Variants in SLC1A3 observed in about 807,000 individuals in gnomAD.
SLC1A3 encodes the protein excitatory amino acid transporter 1.
SLC1A3 carries 21 observed loss-of-function variants against 48.1 expected under a neutral mutation model. The observed-to-expected ratio is 0.44, with a 90% CI of 0.31 to 0.63. The LOEUF (loss-of-function observed/expected upper bound fraction) is 0.63. Among genes scored for constraint, SLC1A3 ranks in the 20% least tolerant of loss-of-function variants. The pLI is 0.08. For missense variants in SLC1A3, 546 were observed against 689.0 expected, an observed-to-expected ratio of 0.79 and a Z score of 2.32; for synonymous variants, 239 against 251.4, an observed-to-expected ratio of 0.95 and a Z score of 0.47.
upstream of SLC1A3, among the ~76,000 whole-genome samples, chr5:36,605,492 T>C (rs1423263993): frequency 2.6e-5 from 4 of 152,324 alleles, no homozygotes; most frequent in Admixed American, 2.6e-4. Context: ...AAAGGAGATA[T>C]TTCTTTATGA....
At chr5:36,617,059 G>A (rs903732890) in intron 2 of SLC1A3, among the ~76,000 whole-genome samples, 23 of 152,160 alleles carry the variant, frequency 1.5e-4, no homozygotes, top group Non-Finnish European at 1.0e-4. Flanking sequence ...CATCTTTGCA[G>A]AGCGGTTTCA....
Position 36,680,604 on chromosome 5 carries a change from T to G in SLC1A3, c.1289+15T>G. 1 of 1,601,596 alleles carries G rather than the reference T, an allele frequency of 6.2e-7. No homozygotes were observed. The highest frequency in any genetic ancestry group is 8.6e-7 in the Non-Finnish European group (1 of 1,168,806). On this transcript the variant is annotated intron_variant, in intron 8 of 9. Coordinates refer to ENST00000265113, the MANE Select transcript of SLC1A3 (RefSeq NM_004172.5). ...ATTACAATCAGGTACAAGGAAAGAGTTCTATACACCCTTTCTTAAGAATGC... is the reference window on the plus strand; with the variant it reads ...ATTACAATCAGGTACAAGGAAAGAGGTCTATACACCCTTTCTTAAGAATGC...
At chr5:36,618,242 A>T (rs980719830) in intron 2 of SLC1A3, among the ~76,000 whole-genome samples, 4 of 152,340 alleles carry the variant, frequency 2.6e-5, no homozygotes, top group African/African-American at 9.6e-5. Flanking sequence ...AAGCCCTTTC[A>T]CATCTCTTAC....
intron 1 of SLC1A3, among the ~76,000 whole-genome samples, chr5:36,600,199 G>C (rs978722701): frequency 6.6e-6 from 1 of 152,126 alleles, no homozygotes; most frequent in Admixed American, 6.5e-5. Context: ...AGAGGAGGAG[G>C]GGAAGCTAGA....
At chr5:36,667,486 G>A (rs1373168986) in intron 3 of SLC1A3, among the ~76,000 whole-genome samples, 2 of 152,222 alleles carry the variant, frequency 1.3e-5, no homozygotes, top group Non-Finnish European at 2.9e-5. Flanking sequence ...AGGTATAGCA[G>A]TAAGAATACT....
chr5:36,673,316 C>A (rs1390001742), intron 4 of SLC1A3, among the ~76,000 whole-genome samples: 1 of 152,094 alleles, frequency 6.6e-6, no homozygotes, highest in African/African-American at 2.4e-5. Context: ...TAGTTTAATC[C>A]AATCTCCTCT....
At chr5:36,642,818 G>T (rs997913381) in intron 3 of SLC1A3, among the ~76,000 whole-genome samples, 1 of 152,082 alleles carries the variant, frequency 6.6e-6, no homozygotes, top group Non-Finnish European at 1.5e-5. Flanking sequence ...TTCAATATAT[G>T]GTCCTTTGTG....
intron 3 of SLC1A3, among the ~76,000 whole-genome samples, chr5:36,640,153 A>G (rs1394668223): frequency 6.6e-6 from 1 of 152,226 alleles, no homozygotes; most frequent in East Asian, 1.9e-4. Context: ...TGGTCATTTC[A>G]TGATAAGCAG....
intron 2 of SLC1A3, among the ~76,000 whole-genome samples, chr5:36,622,661 A>T (rs1739723021): frequency 6.6e-6 from 1 of 152,182 alleles, no homozygotes; most frequent in Non-Finnish European, 1.5e-5. Context: ...CTGAGGCTCC[A>T]GTGTGCACGT....
chr5:36,628,093 A>T (rs1318898190), intron 2 of SLC1A3, among the ~76,000 whole-genome samples: 1 of 152,138 alleles, frequency 6.6e-6, no homozygotes, highest in Non-Finnish European at 1.5e-5. Context: ...TTCCAATTCA[A>T]CTTTTCTCCT....
chr5:36,622,734 G>A (rs567139094), intron 2 of SLC1A3, among the ~76,000 whole-genome samples: 2 of 152,152 alleles, frequency 1.3e-5, no homozygotes, highest in Non-Finnish European at 2.9e-5. Flanking sequence ...GTTGTTGGCC[G>A]GGCGCATTGG....
intron 3 of SLC1A3, among the ~76,000 whole-genome samples, chr5:36,662,609 G>A (rs1467772058): frequency 6.6e-6 from 1 of 152,224 alleles, no homozygotes; most frequent in Non-Finnish European, 1.5e-5. Flanking sequence ...TACAGTGAGC[G>A]AAGGATGGGC....
At chr5:36,664,146 T>G (rs996554704) in intron 3 of SLC1A3, among the ~76,000 whole-genome samples, 3 of 152,142 alleles carry the variant, frequency 2.0e-5, no homozygotes, top group Admixed American at 2.0e-4. Context: ...GTTGTTGTTG[T>G]TTTTAGACAG....
chr5:36,671,045 T>C lies in SLC1A3; in HGVS notation c.336T>C (p.Asp112=), dbSNP rs56355722. The part of the protein sequence containing the change: ...SSLVTGMAAL[D]SKASGKMGMR... ...CTCCACCAGGAATGGCGGCGCTAGA[T>C]AGTAAGGCATCAGGGAAGATGGGAA... Residue 112 remains aspartate, a synonymous_variant, in exon 4 of 10, where the codon GAT becomes GAC. Coordinates refer to ENST00000265113, the MANE Select transcript of SLC1A3 (RefSeq NM_004172.5). 1 of 1,613,916 alleles carries C rather than the reference T, an allele frequency of 6.2e-7. No individual in the cohort carries two copies. Among genetic ancestry groups the C allele is most frequent in the Non-Finnish European group, 8.5e-7 (1 of 1,179,824 alleles).
At chr5:36,676,310 C>T (rs1742203878) in intron 5 of SLC1A3, among the ~76,000 whole-genome samples, 2 of 152,114 alleles carry the variant, frequency 1.3e-5, no homozygotes, top group Non-Finnish European at 2.9e-5. Flanking sequence ...GAAATTAGTA[C>T]AATACTTTAA....
At chr5:36,612,266 T>C (rs1295493852) in intron 2 of SLC1A3, among the ~76,000 whole-genome samples, 1 of 152,194 alleles carries the variant, frequency 6.6e-6, no homozygotes, top group East Asian at 1.9e-4. Flanking sequence ...AATCGGTGAA[T>C]CATCCTGGCT....
At chr5:36,617,033 G>A (rs16903205) in intron 2 of SLC1A3, among the ~76,000 whole-genome samples, 7,111 of 152,206 alleles carry the variant, frequency 0.047, 586 homozygotes, top group African/African-American at 0.16. Flanking sequence ...GAGACGATGG[G>A]TGACGAGGAG....
Position 36,680,561 on chromosome 5 carries a change from C to A in SLC1A3, c.1261C>A (p.Leu421Met). Residue 421 changes from leucine to methionine, a missense_variant, in exon 8 of 10, where the codon CTG (leucine) becomes ATG (methionine). Coordinates refer to ENST00000265113, the MANE Select transcript of SLC1A3 (RefSeq NM_004172.5). Reference sequence around the variant, plus strand: ...CATTGCTCAAGTTAACAACTTTGAACTGAACTTCGGACAAATTATTACAAT... The same window carrying A: ...CATTGCTCAAGTTAACAACTTTGAAATGAACTTCGGACAAATTATTACAAT... ...IFIAQVNNFE[L>M]NFGQIITISI... 1 of 1,614,104 alleles carries A rather than the reference C, an allele frequency of 6.2e-7. No individual in the cohort carries two copies. The highest frequency in any genetic ancestry group is 8.5e-7 in the Non-Finnish European group (1 of 1,179,940).
intron 2 of SLC1A3, among the ~76,000 whole-genome samples, chr5:36,616,887 C>G (rs969611945): frequency 3.3e-5 from 5 of 152,082 alleles, no homozygotes; most frequent in Non-Finnish European, 7.4e-5. Flanking sequence ...AGTAGTCATG[C>G]TTTTATTTAG....
Sources: allele counts gnomAD v4.1 joint callset (sites outside exome capture counted in the v4.1 genomes callset), GRCh38; gene constraint gnomAD v4.1.1; transcripts MANE v1.5; gene names NCBI Gene and HGNC (gene_info 2026-07-23, HGNC 2026-07-21).